Variants in TMTC2 observed in about 807,000 individuals in gnomAD.
TMTC2 encodes transmembrane O-mannosyltransferase targeting cadherins 2, also known as protein O-mannosyl-transferase TMTC2.
TMTC2 carries 43 observed loss-of-function variants against 82.4 expected under a neutral mutation model. The ratio of observed to expected loss-of-function variants is 0.52; its 90% confidence interval spans 0.41 to 0.67. The LOEUF is 0.67. TMTC2 is among the 30% of genes least tolerant of loss of function. The pLI is 0.00. For missense variants in TMTC2, 919 were observed against 1,012.4 expected (o/e 0.91, Z 1.25); for synonymous variants, 408 against 381.9 (o/e 1.07, Z -0.80).
rs34565341 is a variant in TMTC2 at position 82,899,867 on chromosome 12, A to G, written c.1483+3221A>G. Among the ~76,000 whole-genome samples, 263 of 134,086 alleles carry G rather than the reference A, an allele frequency of 2.0e-3. 1 individual carries two copies. The highest frequency in any genetic ancestry group is 5.6e-3 in the African/African-American group (188 of 33,426). 88.0% of individuals were successfully genotyped at this position (134,086 alleles called of 152,430 possible). ...ATCCGGAATATAGATATGTAGGAAT[A>G]TATATACATATCCGGAATATAGATA... On this transcript the variant is annotated intron_variant, in intron 3 of 11. Coordinates refer to ENST00000321196, the MANE Select transcript of TMTC2 (RefSeq NM_152588.3).
chr12:82,884,995 G>A (rs1044989045), intron 2 of TMTC2, among the ~76,000 whole-genome samples: 8 of 151,910 alleles, frequency 5.3e-5, no homozygotes, highest in Admixed American at 2.6e-4. Flanking sequence ...CCAGACTCAC[G>A]CAATCCTCCT....
At chr12:82,802,778 C>T (rs768608616) in intron 1 of TMTC2, among the ~76,000 whole-genome samples, 4 of 152,130 alleles carry the variant, frequency 2.6e-5, no homozygotes, top group Admixed American at 6.5e-5. Flanking sequence ...GATGATAGCA[C>T]GCTAAGGGGT....
intron 4 of TMTC2, among the ~76,000 whole-genome samples, chr12:82,941,247 G>A (rs537880187): frequency 6.6e-6 from 1 of 152,226 alleles, no homozygotes; most frequent in Admixed American, 6.5e-5. Context: ...CTGGGCTCAA[G>A]TGATCTTCCT....
intron 11 of TMTC2, among the ~76,000 whole-genome samples, chr12:83,081,736 A>C (rs886349512): frequency 6.6e-6 from 1 of 152,160 alleles, no homozygotes; most frequent in Non-Finnish European, 1.5e-5. Context: ...AAAATAATCT[A>C]CTTAGAAATA....
At chr12:82,744,188 G>A (rs1254499311) in intron 1 of TMTC2, among the ~76,000 whole-genome samples, 2 of 152,076 alleles carry the variant, frequency 1.3e-5, no homozygotes, top group African/African-American at 4.8e-5. Flanking sequence ...TTGGGAGGCC[G>A]AGGCGGGCGG....
At chr12:82,949,527 G>A (rs1319287253) in intron 4 of TMTC2, among the ~76,000 whole-genome samples, 1 of 152,138 alleles carries the variant, frequency 6.6e-6, no homozygotes, top group African/African-American at 2.4e-5. Context: ...TTTGGAGGCA[G>A]CTCAGTGAAA....
intron 9 of TMTC2, among the ~76,000 whole-genome samples, chr12:83,035,155 C>T (rs1881609341): frequency 6.6e-6 from 1 of 152,086 alleles, no homozygotes; most frequent in South Asian, 2.1e-4. Flanking sequence ...TGGAAAATAC[C>T]ATCCAGTTGG....
intron 3 of TMTC2, among the ~76,000 whole-genome samples, chr12:82,910,701 C>T (rs1463982788): frequency 6.6e-6 from 1 of 152,132 alleles, no homozygotes; most frequent in Non-Finnish European, 1.5e-5. Flanking sequence ...TGCTCCCCAG[C>T]CTGGGCTCTC....
At chr12:82,986,155 G>A in intron 8 of TMTC2, 109 bp downstream of exon 8, 2 of 1,453,438 alleles carry the variant, frequency 1.4e-6, no homozygotes, top group Non-Finnish European at 1.9e-6. Context: ...TATTAGGGAT[G>A]CAATGGTGGT....
intron 11 of TMTC2, among the ~76,000 whole-genome samples, chr12:83,090,815 C>G (rs577658181): frequency 2.6e-4 from 40 of 152,308 alleles, no homozygotes; most frequent in Non-Finnish European, 4.4e-4. Flanking sequence ...TCAGATTCCT[C>G]TTACACCAGC....
intron 9 of TMTC2, among the ~76,000 whole-genome samples, chr12:83,033,902 A>G (rs1592707471): frequency 6.7e-6 from 1 of 148,546 alleles, no homozygotes; most frequent in Non-Finnish European, 1.5e-5. Context: ...ATATATATAT[A>G]TGTATATATA....
intron 1 of TMTC2, among the ~76,000 whole-genome samples, chr12:82,734,257 G>GTC (rs1362377705): frequency 6.6e-6 from 1 of 152,196 alleles, no homozygotes; most frequent in African/African-American, 2.4e-5. Context: ...TCTGCTCAGG[G>GTC]TCTAATAGGG....
chr12:83,047,444 A>G (rs1373218234), intron 9 of TMTC2, among the ~76,000 whole-genome samples: 1 of 152,216 alleles, frequency 6.6e-6, no homozygotes, highest in Non-Finnish European at 1.5e-5. Context: ...TAGCAGAATA[A>G]TAATTTACTT....
At chr12:82,978,046 T>C (rs1304329028) in intron 7 of TMTC2, among the ~76,000 whole-genome samples, 2 of 151,810 alleles carry the variant, frequency 1.3e-5, no homozygotes, top group Non-Finnish European at 3.0e-5. Context: ...TGGCTATCTA[T>C]GGGTGATATA....
intron 3 of TMTC2, among the ~76,000 whole-genome samples, chr12:82,910,932 G>A (rs1430763196): frequency 1.3e-5 from 2 of 151,552 alleles, no homozygotes; most frequent in East Asian, 1.9e-4. Context: ...CCAGGCTGGA[G>A]TGCAGTGGTG....
At chr12:83,026,251 C>T (rs189638668) in intron 8 of TMTC2, among the ~76,000 whole-genome samples, 58 of 152,138 alleles carry the variant, frequency 3.8e-4, no homozygotes, top group East Asian at 1.9e-4. Flanking sequence ...GGGTAAAAGA[C>T]GAAATATTAG....
At chr12:82,876,032 G>A (rs1313728131) in intron 2 of TMTC2, among the ~76,000 whole-genome samples, 1 of 95,628 alleles carries the variant, frequency 1.0e-5, no homozygotes, top group Admixed American at 9.1e-5. Context: ...TGGTGGCGGT[G>A]GTGGTGGTGG....
chr12:83,008,106 C>A (rs1289220733), intron 8 of TMTC2, among the ~76,000 whole-genome samples: 2 of 152,082 alleles, frequency 1.3e-5, no homozygotes, highest in African/African-American at 4.8e-5. Flanking sequence ...AAAGTAATTG[C>A]AGATTTGCCA....
chr12:83,077,973 T>C (rs1249655674), intron 11 of TMTC2, among the ~76,000 whole-genome samples: 3 of 137,966 alleles, frequency 2.2e-5, no homozygotes, highest in African/African-American at 8.1e-5. Flanking sequence ...CCCCCCACAA[T>C]ACCTAACTAG....
Sources: gnomAD v4.1 joint callset for allele counts (sites outside exome capture counted in the v4.1 genomes callset) on GRCh38, gnomAD v4.1.1 for gene constraint, MANE v1.5 for transcripts, NCBI Gene and HGNC (gene_info 2026-07-23, HGNC 2026-07-21) for gene names.